RPS6KA2: variants seen among roughly 807,000 people sequenced by gnomAD.
RPS6KA2 encodes ribosomal protein S6 kinase A2, also known as ribosomal protein S6 kinase alpha-2.
A neutral mutation model predicts 91.8 loss-of-function variants in RPS6KA2; 42 were observed. That is an observed-to-expected ratio of 0.46 (90% CI 0.36 to 0.59). The LOEUF (loss-of-function observed/expected upper bound fraction) is 0.59, where lower values mean the gene tolerates loss of function less well. Among genes scored for constraint, RPS6KA2 ranks in the 20% least tolerant of loss-of-function variants. The pLI is 0.00. For synonymous variants in RPS6KA2, 414 were observed against 393.6 expected (o/e 1.05, Z -0.61); for missense variants, 798 against 978.5 (o/e 0.82, Z 2.46).
rs769474891 is a variant in RPS6KA2, at chr6:166,517,104, T to TA, written c.299-6748dup. ...TTTTGAAGGGACTACCTAGTTACAG[T>TA]AAAAAAAAAAATAGGTCTCCTCCCT... On this transcript the variant is annotated intron_variant, in intron 3 of 20. Transcript: ENST00000265678. Among the ~76,000 whole-genome samples the TA allele has an allele frequency of 2.2e-3, 320 of 145,638 alleles. 1 individual carries two copies. The highest frequency in any genetic ancestry group is 6.1e-3 in the African/African-American group (243 of 39,944).
At chr6:166,420,387 T>C (rs2128440441) in intron 17 of RPS6KA2, among the ~76,000 whole-genome samples, 1 of 152,184 alleles carries the variant, frequency 6.6e-6, no homozygotes, top group East Asian at 1.9e-4. Context: ...TGAAACTCTG[T>C]CCCCATTAAA....
At chr6:166,728,801 G>C (rs1790424960) in intron 2 of RPS6KA2, among the ~76,000 whole-genome samples, 1 of 152,204 alleles carries the variant, frequency 6.6e-6, no homozygotes, top group African/African-American at 2.4e-5. Context: ...GGACTGCCTG[G>C]AGGGGTCGGG....
intron 11 of RPS6KA2, chr6:166,463,346 A>G (rs1780395215): frequency 6.6e-6 from 1 of 152,210 alleles, no homozygotes; most frequent in Non-Finnish European, 1.5e-5. Context: ...AACGAGACAG[A>G]CACTGGCAAT....
intron 2 of RPS6KA2, among the ~76,000 whole-genome samples, chr6:166,848,192 C>T (rs1426859355): frequency 4.6e-5 from 7 of 152,188 alleles, no homozygotes; most frequent in Admixed American, 6.5e-5. Flanking sequence ...AAATGCATAT[C>T]AAAACCACAA....
chr6:166,771,017 T>G (rs1332984266), intron 2 of RPS6KA2: 9 of 893,470 alleles, frequency 1.0e-5, no homozygotes, highest in African/African-American at 1.7e-5. Context: ...ACCAGGCCTG[T>G]GAGCTTTTTG....
chr6:166,498,083 C>T (rs1027617795), intron 8 of RPS6KA2, among the ~76,000 whole-genome samples: 2 of 141,354 alleles, frequency 1.4e-5, no homozygotes, highest in African/African-American at 2.5e-5. Context: ...CCTGCGAAAA[C>T]GCGACAGAGA....
At chr6:166,465,558 G>A (rs775328935) in intron 11 of RPS6KA2, among the ~76,000 whole-genome samples, 11 of 152,180 alleles carry the variant, frequency 7.2e-5, no homozygotes, top group Non-Finnish European at 1.0e-4. Flanking sequence ...ATCACGGAGC[G>A]GGACTGTGCC....
chr6:166,853,235 T>C (rs1780794360), intron 2 of RPS6KA2, among the ~76,000 whole-genome samples: 1 of 152,210 alleles, frequency 6.6e-6, no homozygotes, highest in South Asian at 2.1e-4. Context: ...GTTCAGGGGC[T>C]CGAGACCAGC....
At chr6:166,540,041 T>C (rs1176852913) in intron 1 of RPS6KA2, among the ~76,000 whole-genome samples, 1 of 152,228 alleles carries the variant, frequency 6.6e-6, no homozygotes, top group African/African-American at 2.4e-5. Flanking sequence ...CTTCTTTTCA[T>C]GAAGAAACTG....
rs541809816 is a variant in RPS6KA2 at position 166,658,107 on chromosome 6, C to T, written c.124-119323G>A. ...ATGTTGGTCAGGCTGGTCTTAAACT[C>T]CCGACCTCAGGTGATTCGCCCACCT... On this transcript the variant is annotated intron_variant, in intron 2 of 21. Coordinates refer to the RPS6KA2 transcript ENST00000503859. Among the ~76,000 whole-genome samples the T allele has an allele frequency of 1.2e-4, 18 of 152,290 alleles. No homozygotes were observed. The East Asian group carries it at 3.5e-3, about 29-fold the overall frequency.
chr6:166,483,399 C>T (rs1439645005), intron 10 of RPS6KA2, among the ~76,000 whole-genome samples: 1 of 152,228 alleles, frequency 6.6e-6, no homozygotes, highest in Non-Finnish European at 1.5e-5. Flanking sequence ...ATCCTGCTCT[C>T]ACACATCCTG....
intron 3 of RPS6KA2, among the ~76,000 whole-genome samples, chr6:166,530,830 G>C (rs1783246840): frequency 6.6e-6 from 1 of 152,188 alleles, no homozygotes; most frequent in Non-Finnish European, 1.5e-5. Context: ...GGTCAACAAA[G>C]GAAAACAACC....
At chr6:166,501,726 G>A (rs1479739519) in intron 6 of RPS6KA2, among the ~76,000 whole-genome samples, 3 of 152,154 alleles carry the variant, frequency 2.0e-5, no homozygotes, top group African/African-American at 7.2e-5. Context: ...CACACCTGTG[G>A]CCCTAAACTT....
chr6:166,741,015 GAC>G (rs1156807772), intron 2 of RPS6KA2, among the ~76,000 whole-genome samples: 1 of 152,262 alleles, frequency 6.6e-6, no homozygotes, highest in Admixed American at 6.5e-5. Flanking sequence ...ACAACTGCCA[GAC>G]ACATGCAGCA....
At chr6:166,754,598 G>C (rs1057024736) in intron 2 of RPS6KA2, among the ~76,000 whole-genome samples, 1 of 152,134 alleles carries the variant, frequency 6.6e-6, no homozygotes, top group Non-Finnish European at 1.5e-5. Context: ...GGTGGGGGTG[G>C]GCTCTGGTTT....
At chr6:166,799,608 A>G (rs1031141228) in intron 2 of RPS6KA2, among the ~76,000 whole-genome samples, 3 of 52,486 alleles carry the variant, frequency 5.7e-5, no homozygotes, top group African/African-American at 2.1e-4. Context: ...TTTTTTTTTA[A>G]AAGGATGAGA....
chr6:166,509,748 G>T (rs1272151846), intron 4 of RPS6KA2, among the ~76,000 whole-genome samples: 1 of 152,222 alleles, frequency 6.6e-6, no homozygotes, highest in African/African-American at 2.4e-5. Context: ...GACAGCAAAT[G>T]AAGAGAAGTT....
At chr6:166,584,936 G>T (rs1042341464) in intron 1 of RPS6KA2, among the ~76,000 whole-genome samples, 6 of 152,232 alleles carry the variant, frequency 3.9e-5, no homozygotes, top group Non-Finnish European at 5.9e-5. Flanking sequence ...TTAAGATCCC[G>T]AGGGGGTGGC....
intron 16 of RPS6KA2, among the ~76,000 whole-genome samples, chr6:166,427,588 A>G (rs1318006040): frequency 6.6e-6 from 1 of 152,242 alleles, no homozygotes; most frequent in Non-Finnish European, 1.5e-5. Context: ...TAAGCTGATA[A>G]GCAACTTCAG....
Sources: allele counts gnomAD v4.1 joint callset (sites outside exome capture counted in the v4.1 genomes callset), GRCh38; gene constraint gnomAD v4.1.1; transcripts MANE v1.5; gene names NCBI Gene and HGNC (gene_info 2026-07-23, HGNC 2026-07-21).